SRBD1: variants seen among roughly 807,000 people sequenced by gnomAD.
SRBD1 encodes S1 RNA-binding domain-containing protein 1.
In SRBD1, 88 loss-of-function variants were observed where a neutral mutation model predicts 115.3. That is an observed-to-expected ratio of 0.76 (90% CI 0.64 to 0.91). The LOEUF is 0.91. Among genes scored for constraint, SRBD1 ranks in the 40% least tolerant of loss-of-function variants. The pLI is 0.00. For missense variants in SRBD1, 1,385 were observed against 1,177.4 expected, an observed-to-expected ratio of 1.18 and a Z score of -2.58; for synonymous variants, 509 against 407.7, an observed-to-expected ratio of 1.25 and a Z score of -2.99.
intron 5 of SRBD1, among the ~76,000 whole-genome samples, chr2:45,583,408 T>C (rs1169060776): frequency 6.6e-6 from 1 of 152,186 alleles, no homozygotes; most frequent in Non-Finnish European, 1.5e-5. Context: ...AGCCTGCATA[T>C]AAGGAAGAAG....
At chr2:45,414,944 G>C (rs1402251453) in intron 18 of SRBD1, among the ~76,000 whole-genome samples, 1 of 121,848 alleles carries the variant, frequency 8.2e-6, no homozygotes, top group Non-Finnish European at 1.6e-5. Context: ...GTGTTATATA[G>C]TATGTACATA....
intron 7 of SRBD1, 36 bp downstream of exon 7, chr2:45,579,839 A>G: frequency 2.7e-6 from 4 of 1,475,316 alleles, no homozygotes; most frequent in South Asian, 1.5e-5. Flanking sequence ...AAAAAAAAAA[A>G]GAAACAAAGT....
chr2:45,483,478 T>C (rs1670025846), intron 15 of SRBD1, among the ~76,000 whole-genome samples: 1 of 152,070 alleles, frequency 6.6e-6, no homozygotes. Context: ...TTCTCCTCAC[T>C]CATAATATGT....
intron 16 of SRBD1, among the ~76,000 whole-genome samples, chr2:45,438,114 G>A (rs1668556120): frequency 1.3e-5 from 2 of 152,094 alleles, no homozygotes; most frequent in African/African-American, 4.8e-5. Context: ...ATATGTGGCA[G>A]GAAGATTTAT....
intron 15 of SRBD1, among the ~76,000 whole-genome samples, chr2:45,480,525 T>G (rs762212467): frequency 6.6e-6 from 1 of 152,164 alleles, no homozygotes; most frequent in Non-Finnish European, 1.5e-5. Flanking sequence ...GAATTAGAAG[T>G]GGAGCCTGAA....
At chr2:45,578,571 C>A (rs1430183194) in intron 7 of SRBD1, among the ~76,000 whole-genome samples, 1 of 152,138 alleles carries the variant, frequency 6.6e-6, no homozygotes, top group African/African-American at 2.4e-5. Flanking sequence ...TAAAAACAGG[C>A]TATAGTATGC....
At chr2:45,569,792 TATAAC>T (rs1298846290) in intron 9 of SRBD1, among the ~76,000 whole-genome samples, 4 of 152,266 alleles carry the variant, frequency 2.6e-5, no homozygotes, top group South Asian at 2.1e-4. Flanking sequence ...ATTTCTCAAA[TATAAC>T]ATACAAAGGA....
At chr2:45,572,306 A>G (rs763637708) in intron 9 of SRBD1, among the ~76,000 whole-genome samples, 1 of 152,146 alleles carries the variant, frequency 6.6e-6, no homozygotes. Flanking sequence ...AAATGAATGA[A>G]ATGTTTAATG....
chr2:45,465,777 C>T (rs1669468267), intron 16 of SRBD1, among the ~76,000 whole-genome samples: 1 of 152,076 alleles, frequency 6.6e-6, no homozygotes, highest in African/African-American at 2.4e-5. Context: ...ACAGTGCATT[C>T]AAAACACCTG....
At chr2:45,489,158 T>C (rs2103857052) in intron 14 of SRBD1, among the ~76,000 whole-genome samples, 1 of 152,356 alleles carries the variant, frequency 6.6e-6, no homozygotes, top group South Asian at 2.1e-4. Context: ...CTTTATGACA[T>C]GACAGGCAAA....
intron 18 of SRBD1, among the ~76,000 whole-genome samples, chr2:45,415,455 T>C (rs1352411149): frequency 6.9e-6 from 1 of 144,844 alleles, no homozygotes; most frequent in South Asian, 2.2e-4. Context: ...AAAACAAAAA[T>C]ATACATCTAT....
At chr2:45,467,950 A>T (rs150185374) in intron 16 of SRBD1, among the ~76,000 whole-genome samples, 12 of 152,242 alleles carry the variant, frequency 7.9e-5, no homozygotes, top group African/African-American at 2.6e-4. Context: ...AAAAATTATG[A>T]AATATTTAAC....
intron 9 of SRBD1, among the ~76,000 whole-genome samples, chr2:45,571,875 G>C (rs1329443337): frequency 6.6e-6 from 1 of 152,072 alleles, no homozygotes; most frequent in African/African-American, 2.4e-5. Context: ...GAAAGCAACA[G>C]AGGCTGAGAC....
chr2:45,585,572 C>T, intron 5 of SRBD1, 36 bp downstream of exon 5: 1 of 1,582,610 alleles, frequency 6.3e-7, no homozygotes, highest in South Asian at 1.2e-5. Context: ...GGCCTTTTCC[C>T]CTTACACTAG....
At chr2:45,572,960 G>C (rs1290206466) in intron 9 of SRBD1, among the ~76,000 whole-genome samples, 9 of 152,092 alleles carry the variant, frequency 5.9e-5, no homozygotes, top group Non-Finnish European at 2.9e-5. Flanking sequence ...CAGCCAAAAA[G>C]TCAAGATACC....
At chr2:45,555,550 G>C (rs1315102812) in intron 10 of SRBD1, among the ~76,000 whole-genome samples, 1 of 149,564 alleles carries the variant, frequency 6.7e-6, no homozygotes, top group Non-Finnish European at 1.5e-5. Context: ...GAGTGCAGTG[G>C]CGCGATCCCG....
chr2:45,605,212 G>A, intron 2 of SRBD1, 150 bp downstream of exon 2: 2 of 642,156 alleles, frequency 3.1e-6, no homozygotes, highest in Non-Finnish European at 2.7e-6. Flanking sequence ...CTGGAACACA[G>A]CATGAGTTCA....
intron 16 of SRBD1, among the ~76,000 whole-genome samples, chr2:45,444,907 T>C (rs1435705935): frequency 6.6e-6 from 1 of 152,146 alleles, no homozygotes; most frequent in Non-Finnish European, 1.5e-5. Context: ...CAGAAGTCAG[T>C]CAGAAAGAAT....
intron 14 of SRBD1, among the ~76,000 whole-genome samples, chr2:45,543,922 G>T (rs1449813514): frequency 1.3e-5 from 2 of 152,082 alleles, no homozygotes; most frequent in African/African-American, 4.8e-5. Context: ...ACAGACTATA[G>T]GAGAAAGACT....
Sources: gnomAD v4.1 joint callset for allele counts (sites outside exome capture counted in the v4.1 genomes callset) on GRCh38, gnomAD v4.1.1 for gene constraint, MANE v1.5 for transcripts, NCBI Gene and HGNC (gene_info 2026-07-23, HGNC 2026-07-21) for gene names.